CNTNAP5: variants seen among roughly 807,000 people sequenced by gnomAD.
The protein encoded by CNTNAP5 is contactin associated protein family member 5, also known as contactin-associated protein-like 5.
CNTNAP5 carries 72 observed loss-of-function variants against 150.2 expected under a neutral mutation model. That is an observed-to-expected ratio of 0.48 (90% CI 0.40 to 0.58). The LOEUF (loss-of-function observed/expected upper bound fraction) is 0.58, where lower values mean the gene tolerates loss of function less well. CNTNAP5 is among the 20% of genes least tolerant of loss of function. The pLI is 0.00. For synonymous variants in CNTNAP5, 672 were observed against 619.8 expected (o/e 1.08, Z -1.25); for missense variants, 1,636 against 1,626.2 (o/e 1.01, Z -0.10).
At chr2:124,110,807 A>G (rs1324204507) in intron 1 of CNTNAP5, among the ~76,000 whole-genome samples, 3 of 152,218 alleles carry the variant, frequency 2.0e-5, no homozygotes, top group Non-Finnish European at 4.4e-5. Flanking sequence ...TCTCATCTCT[A>G]TTTATTCAGT....
At chr2:124,169,130 T>C (rs1358672) in intron 1 of CNTNAP5, among the ~76,000 whole-genome samples, 147,341 of 152,132 alleles carry the variant, frequency 0.97, 71,526 homozygotes, top group East Asian at 1. Flanking sequence ...TCTTTCCCAC[T>C]GGACTGGATC....
chr2:124,849,823 C>A (rs1016981033), intron 19 of CNTNAP5, among the ~76,000 whole-genome samples: 1 of 152,264 alleles, frequency 6.6e-6, no homozygotes, highest in African/African-American at 2.4e-5. Context: ...TAGTCTTTTG[C>A]TCTGGGACGC....
At chr2:124,530,360 A>G (rs1418782768) in intron 10 of CNTNAP5, among the ~76,000 whole-genome samples, 2 of 152,142 alleles carry the variant, frequency 1.3e-5, no homozygotes, top group African/African-American at 2.4e-5. Context: ...TAGCATTCCT[A>G]CCTGAGGCAC....
At chr2:124,426,761 C>T (rs551782646) in intron 4 of CNTNAP5, among the ~76,000 whole-genome samples, 1 of 152,278 alleles carries the variant, frequency 6.6e-6, no homozygotes, top group East Asian at 1.9e-4. Flanking sequence ...TCAAATATGC[C>T]AGCATATGCC....
intron 19 of CNTNAP5, among the ~76,000 whole-genome samples, chr2:124,843,895 T>C (rs1039177998): frequency 2.0e-5 from 3 of 152,158 alleles, no homozygotes. Flanking sequence ...TCCTTGTAGA[T>C]TCTGGATATT....
At chr2:124,034,983 A>G (rs1218853648) in intron 1 of CNTNAP5, among the ~76,000 whole-genome samples, 1 of 150,438 alleles carries the variant, frequency 6.6e-6, no homozygotes, top group Non-Finnish European at 1.5e-5. Context: ...CATGTTATCC[A>G]CAAGTCCTCC....
intron 21 of CNTNAP5, among the ~76,000 whole-genome samples, chr2:124,884,604 T>C (rs1347725083): frequency 6.6e-6 from 1 of 152,026 alleles, no homozygotes; most frequent in East Asian, 1.9e-4. Context: ...TCTTTATCTT[T>C]AGCTCATTTA....
chr2:124,162,165 C>T (rs752575809), intron 1 of CNTNAP5, among the ~76,000 whole-genome samples: 13 of 152,088 alleles, frequency 8.5e-5, no homozygotes, highest in South Asian at 2.1e-4. Flanking sequence ...TAATGTAGTG[C>T]GCTTTAAGTT....
chr2:124,375,305 A>G (rs1690618091), intron 3 of CNTNAP5, among the ~76,000 whole-genome samples: 1 of 152,186 alleles, frequency 6.6e-6, no homozygotes, highest in Non-Finnish European at 1.5e-5. Context: ...TGACCCCAGC[A>G]TAACTGGTAA....
chr2:124,826,290 T>C (rs1573642843), intron 19 of CNTNAP5, among the ~76,000 whole-genome samples: 1 of 152,182 alleles, frequency 6.6e-6, no homozygotes, highest in Admixed American at 6.5e-5. Flanking sequence ...AAGGTGAAAG[T>C]CTTTGGTAAG....
rs1228400422 is a variant in CNTNAP5 at position 124,264,386 on chromosome 2, A to T, written c.381+21993A>T. Among the ~76,000 whole-genome samples the T allele has an allele frequency of 4.1e-3, 162 of 39,766 alleles. 1 individual carries two copies. The highest frequency in any genetic ancestry group is 8.1e-3 in the African/African-American group (150 of 18,566). 26.1% of individuals were successfully genotyped at this position (39,766 alleles called of 152,430 possible). A position where few individuals can be genotyped will look rare whatever the true frequency, so the allele number is the denominator to read the frequency against. ...CCCACACACACAGGCACACACACAC[A>T]CATACACACACACACACACACACAC... is the stretch of plus-strand genomic sequence containing the variant. On this transcript the variant is annotated intron_variant, in intron 3 of 23. Transcript: ENST00000682447.
chr2:124,138,087 T>C (rs1684021983), intron 1 of CNTNAP5, among the ~76,000 whole-genome samples: 1 of 152,146 alleles, frequency 6.6e-6, no homozygotes, highest in Non-Finnish European at 1.5e-5. Context: ...GAGATGATCC[T>C]TTACCGATGA....
chr2:124,808,762 G>C (rs1344824312), intron 19 of CNTNAP5, among the ~76,000 whole-genome samples: 2 of 152,116 alleles, frequency 1.3e-5, no homozygotes, highest in East Asian at 3.9e-4. Flanking sequence ...AATGTTTGCT[G>C]AACAGTTTTC....
intron 21 of CNTNAP5, among the ~76,000 whole-genome samples, chr2:124,891,282 A>G (rs1034794026): frequency 1.3e-5 from 2 of 152,014 alleles, no homozygotes; most frequent in East Asian, 1.9e-4. Context: ...TTCTTGCTCC[A>G]TTTAGTCTGA....
At chr2:124,887,702 T>A (rs935980976) in intron 21 of CNTNAP5, among the ~76,000 whole-genome samples, 2 of 152,072 alleles carry the variant, frequency 1.3e-5, no homozygotes, top group African/African-American at 2.4e-5. Context: ...GAAAGAAAAC[T>A]TGGCAGAAAA....
chr2:124,653,864 T>G (rs2105034249), intron 13 of CNTNAP5, among the ~76,000 whole-genome samples: 1 of 149,728 alleles, frequency 6.7e-6, no homozygotes, highest in Admixed American at 6.7e-5. Context: ...AGTTCTTGCC[T>G]GCATACTTGT....
intron 11 of CNTNAP5, among the ~76,000 whole-genome samples, chr2:124,568,354 A>G (rs1043453327): frequency 1.3e-5 from 2 of 152,222 alleles, no homozygotes; most frequent in African/African-American, 4.8e-5. Context: ...CAGACTGTCA[A>G]GGGCTAAGAC....
Position 124,669,014 on chromosome 2 carries a change from C to T in CNTNAP5, c.2077+21056C>T, listed in dbSNP as rs547108218. 2.0e-5 allele frequency among the ~76,000 whole-genome samples: 3 copies of T among 152,312 alleles called. No homozygotes were observed. The South Asian group carries it at 6.2e-4, about 32-fold the overall frequency. On this transcript the variant is annotated intron_variant, in intron 13 of 23. Transcript: ENST00000682447. ...GTCCTATTGGTAACATTACATTTTG[C>T]TTTACCAGCTCTGCCTCCTCTGTGA...
intron 11 of CNTNAP5, among the ~76,000 whole-genome samples, chr2:124,591,289 C>A (rs1696675798): frequency 6.6e-6 from 1 of 152,232 alleles, no homozygotes; most frequent in East Asian, 1.9e-4. Context: ...TCAAAGATGA[C>A]CTTCAATGCT....
Sources: allele counts gnomAD v4.1 joint callset (sites outside exome capture counted in the v4.1 genomes callset), GRCh38; gene constraint gnomAD v4.1.1; transcripts MANE v1.5; gene names NCBI Gene and HGNC (gene_info 2026-07-23, HGNC 2026-07-21).